LONRF1: variants seen among roughly 807,000 people sequenced by gnomAD.
The protein encoded by LONRF1 is LON peptidase N-terminal domain and ring finger 1, also known as LON peptidase N-terminal domain and RING finger protein 1.
In LONRF1, 37 loss-of-function variants were observed where a neutral mutation model predicts 85.8. That is an observed-to-expected ratio of 0.43 (90% confidence interval 0.33 to 0.57). The LOEUF (loss-of-function observed/expected upper bound fraction) is 0.57. LONRF1 is among the 20% of genes least tolerant of loss of function. The probability of loss-of-function intolerance (pLI) is 0.04; values close to 1 mark genes in which losing one functional copy is unlikely to be tolerated. For synonymous variants in LONRF1, 517 were observed against 390.1 expected, an observed-to-expected ratio of 1.33 and a Z score of -3.83; for missense variants, 1,036 against 978.0, an observed-to-expected ratio of 1.06 and a Z score of -0.79.
In LONRF1 at chr8:12,755,369, C is replaced by A; in HGVS notation, c.52G>T (p.Ala18Ser). 2 of 1,208,430 alleles carry A rather than the reference C, an allele frequency of 1.7e-6. No individual in the cohort carries two copies. The highest frequency in any genetic ancestry group is 2.1e-6 in the Non-Finnish European group (2 of 971,114). 74.9% of individuals were successfully genotyped at this position (1,208,430 alleles called of 1,614,324 possible). Reference sequence around the variant, plus strand: ...CGGCCTCGGCCCTGCGGCGCTGGGGCCATCTCCCGACTCCCTCCTGGGGAG... The same window carrying A: ...CGGCCTCGGCCCTGCGGCGCTGGGGACATCTCCCGACTCCCTCCTGGGGAG... The part of the protein sequence containing the change: ...RTSPGGSREM[A>S]PAPQGRGRFW... Residue 18 changes from alanine (A) to serine (S), a missense_variant, in exon 1 of 12, where the codon GCC becomes TCC. Coordinates refer to ENST00000398246, the MANE Select transcript of LONRF1 (RefSeq NM_152271.5).
intron 1 of LONRF1, among the ~76,000 whole-genome samples, chr8:12,745,567 T>C (rs17829381): frequency 0.062 from 9,447 of 152,324 alleles, 425 homozygotes; most frequent in Non-Finnish European, 0.091. Flanking sequence ...AAGTATTTAC[T>C]GTATGCTCTC....
intron 8 of LONRF1, among the ~76,000 whole-genome samples, chr8:12,731,449 G>A (rs551978053): frequency 2.6e-5 from 4 of 151,840 alleles, no homozygotes; most frequent in East Asian, 1.9e-4. Context: ...TGTCACCAGC[G>A]CCCCCTCTCT....
chr8:12,729,761 A>G (rs1769022795), intron 8 of LONRF1, among the ~76,000 whole-genome samples: 1 of 152,240 alleles, frequency 6.6e-6, no homozygotes, highest in Admixed American at 6.5e-5. Context: ...CACAACAAAG[A>G]GCAAATACTT....
At chr8:12,736,568 C>G in intron 6 of LONRF1, 133 bp downstream of exon 6, 1 of 639,014 alleles carries the variant, frequency 1.6e-6, no homozygotes, top group Non-Finnish European at 2.6e-6. Flanking sequence ...AAACCCAGGA[C>G]TAAAATTCAT....
rs974223167 is a variant in LONRF1 at position 12,748,223 on chromosome 8, G to T, written c.722-4941C>A. Among the ~76,000 whole-genome samples, 36 of 152,126 alleles carry T rather than the reference G, an allele frequency of 2.4e-4. 2 individuals carry two copies. The highest frequency in any genetic ancestry group is 2.1e-3 in the Admixed American group (32 of 15,268). On this transcript the variant is annotated intron_variant, in intron 1 of 11. Transcript: ENST00000398246. ...CTTGTACTTTATTTATTTGAGAAAAGATCTAAGATCTCACTCTGTAGCCCA... is the reference window on the plus strand; with the variant it reads ...CTTGTACTTTATTTATTTGAGAAAATATCTAAGATCTCACTCTGTAGCCCA...
At chr8:12,736,599 GCATTGTGTTACTTTA>G in intron 6 of LONRF1, 87 bp downstream of exon 6, 1 of 774,782 alleles carries the variant, frequency 1.3e-6, no homozygotes, top group Non-Finnish European at 2.0e-6. Flanking sequence ...TTTTATTCCA[GCATTGTGTTACTTTA>G]CATTGTCTAT....
chr8:12,743,386 G>A (rs1229374793), intron 1 of LONRF1, 104 bp from the exon 2 acceptor site: 1 of 751,268 alleles, frequency 1.3e-6, no homozygotes, highest in Non-Finnish European at 2.2e-6. Flanking sequence ...TGATTCCAGG[G>A]TTAATAATCA....
At chr8:12,741,087 G>A in intron 2 of LONRF1, 91 bp from the exon 3 acceptor site, 1 of 1,481,852 alleles carries the variant, frequency 6.7e-7, no homozygotes, top group South Asian at 1.2e-5. Flanking sequence ...AGTCTGCTCA[G>A]CAGTGCCGAT....
intron 2 of LONRF1, among the ~76,000 whole-genome samples, chr8:12,741,671 G>C (rs150855207): frequency 1.3e-5 from 2 of 152,228 alleles, no homozygotes; most frequent in African/African-American, 4.8e-5. Context: ...CAAAATTAAA[G>C]AAATATTAAA....
intron 10 of LONRF1, chr8:12,727,188 T>A (rs1394440078): frequency 1.4e-5 from 2 of 147,944 alleles, no homozygotes; most frequent in African/African-American, 2.5e-5. Context: ...AATGACAGGC[T>A]CTGGTAAACA....
intron 3 of LONRF1, among the ~76,000 whole-genome samples, chr8:12,739,351 A>C (rs1234880055): frequency 2.0e-5 from 3 of 151,704 alleles, no homozygotes; most frequent in Non-Finnish European, 4.4e-5. Flanking sequence ...CAAAAAAAAA[A>C]AAAAAAAACA....
chr8:12,727,904 T>C (rs1798381917), intron 10 of LONRF1, among the ~76,000 whole-genome samples: 1 of 152,344 alleles, frequency 6.6e-6, no homozygotes, highest in African/African-American at 2.4e-5. Context: ...GGCATAGTGA[T>C]AAAGCTCAAA....
chr8:12,745,540 A>G (rs1799116401), intron 1 of LONRF1, among the ~76,000 whole-genome samples: 1 of 152,174 alleles, frequency 6.6e-6, no homozygotes, highest in Admixed American at 6.5e-5. Context: ...CATTAACTTA[A>G]GTTTGAAAGA....
At position 12,755,068 on chromosome 8, in the gene LONRF1, C is replaced by CCGG. The variant is rs1799584926; in HGVS notation, c.350_352dup (p.Ala117dup). 1 of 1,473,348 alleles carries CCGG rather than the reference C, an allele frequency of 6.8e-7. No homozygotes were observed. Among genetic ancestry groups the CCGG allele is most frequent in the Non-Finnish European group, 8.9e-7 (1 of 1,117,802 alleles). The allele number at this position is 1,473,348 out of a possible 1,614,324, so 91.3% of individuals were successfully genotyped here. ...GCAGCCCAGGCATCTGAGGAGCCCG[C>CCGG]CGGCGCCGCCGTCAGCGCCTGCAAC... is the stretch of plus-strand genomic sequence containing the variant. On this transcript the variant is annotated inframe_insertion, in exon 1 of 12. Coordinates refer to ENST00000398246, the MANE Select transcript of LONRF1 (RefSeq NM_152271.5).
intron 8 of LONRF1, among the ~76,000 whole-genome samples, chr8:12,730,983 A>G (rs1263253318): frequency 6.6e-6 from 1 of 152,224 alleles, no homozygotes; most frequent in East Asian, 1.9e-4. Flanking sequence ...ATTAAAAGAG[A>G]GTAAAAGAAA....
chr8:12,744,205 T>C (rs892937949), intron 1 of LONRF1, among the ~76,000 whole-genome samples: 36 of 152,308 alleles, frequency 2.4e-4, no homozygotes, highest in African/African-American at 7.9e-4. Flanking sequence ...TAATAAAATT[T>C]ATCAATAGCT....
At position 12,723,027 on chromosome 8, in the gene LONRF1, G is replaced by T; in HGVS notation, c.*69C>A. On this transcript the variant is annotated 3_prime_UTR_variant, in exon 12 of 12. Transcript: ENST00000398246. ...CTGAAACCAGCACTAGATGTGCAAAGGCAGCAGACAATCTGGCCATCAATG... is the reference window on the plus strand; with the variant it reads ...CTGAAACCAGCACTAGATGTGCAAATGCAGCAGACAATCTGGCCATCAATG... The T allele has an allele frequency of 7.1e-7, 1 of 1,400,764 alleles. No homozygotes were observed. The highest frequency in any genetic ancestry group is 9.6e-7 in the Non-Finnish European group (1 of 1,037,852). 86.8% of individuals were successfully genotyped at this position (1,400,764 alleles called of 1,614,324 possible).
chr8:12,729,451 G>T (rs931197782), intron 8 of LONRF1, 119 bp from the exon 9 acceptor site: 3 of 993,128 alleles, frequency 3.0e-6, no homozygotes, highest in Non-Finnish European at 4.4e-6. Flanking sequence ...AAAAGAATTA[G>T]TTCTAAATAA....
chr8:12,748,236 A>G (rs1174266500), intron 1 of LONRF1, among the ~76,000 whole-genome samples: 1 of 152,124 alleles, frequency 6.6e-6, no homozygotes, highest in African/African-American at 2.4e-5. Context: ...CTAAGATCTC[A>G]CTCTGTAGCC....
Sources: gnomAD v4.1 joint callset for allele counts (sites outside exome capture counted in the v4.1 genomes callset) on GRCh38, gnomAD v4.1.1 for gene constraint, MANE v1.5 for transcripts, NCBI Gene and HGNC (gene_info 2026-07-23, HGNC 2026-07-21) for gene names.